PRPF31: variants seen among roughly 807,000 people sequenced by gnomAD.
PRPF31 encodes pre-mRNA processing factor 31, also known as U4/U6 small nuclear ribonucleoprotein Prp31.
In PRPF31, 12 loss-of-function variants were observed where a neutral mutation model predicts 60.4. That is an observed-to-expected ratio of 0.20 (90% CI 0.13 to 0.32). PRPF31 has a LOEUF of 0.32. Among genes scored for constraint, PRPF31 ranks in the 10% least tolerant of loss-of-function variants. The pLI, the probability that PRPF31 is intolerant of heterozygous loss-of-function variation, is 1.00. For missense variants in PRPF31, 431 were observed against 687.1 expected, an observed-to-expected ratio of 0.63 and a Z score of 4.17; for synonymous variants, 287 against 287.9, an observed-to-expected ratio of 1.00 and a Z score of 0.03.
chr19:54,126,622 G>A lies in PRPF31; in HGVS notation c.945+5G>A, dbSNP rs777127121. ...CACGAGAGCACAGAAGGGAAGGTGA[G>A]GAGGGAAAGGTGAGGGGCGGCCGGG... On this transcript the variant is annotated splice_donor_5th_base_variant and intron_variant, in intron 9 of 13. Transcript: ENST00000321030. The A allele has an allele frequency of 2.5e-6, 4 of 1,613,152 alleles. No individual in the cohort carries two copies. Among genetic ancestry groups the A allele is most frequent in the Non-Finnish European group, 1.7e-6 (2 of 1,179,604 alleles).
chr19:54,128,920 G>T, intron 11 of PRPF31, 137 bp from the exon 12 acceptor site: 1 of 903,488 alleles, frequency 1.1e-6, no homozygotes, highest in Non-Finnish European at 1.7e-6. Context: ...CAGCCGGGCC[G>T]AGTGGGTACC....
At chr19:54,120,734 G>C (rs2073765071) in intron 3 of PRPF31, among the ~76,000 whole-genome samples, 1 of 151,854 alleles carries the variant, frequency 6.6e-6, no homozygotes, top group Non-Finnish European at 1.5e-5. Context: ...CAGCCTCCCA[G>C]GCAGCTGGGA....
At chr19:54,123,378 G>A in intron 5 of PRPF31, 76 bp from the exon 6 acceptor site, 1 of 1,084,874 alleles carries the variant, frequency 9.2e-7, no homozygotes, top group Non-Finnish European at 1.4e-6. Flanking sequence ...AGAGACCTGA[G>A]GAGGTGCTGA....
intron 11 of PRPF31, 93 bp from the exon 12 acceptor site, chr19:54,128,964 A>G: frequency 7.4e-7 from 1 of 1,347,690 alleles, no homozygotes; most frequent in Non-Finnish European, 1.0e-6. Flanking sequence ...CCGGCTGGTG[A>G]CCGCTGGGCT....
intron 4 of PRPF31, chr19:54,122,151 G>C: frequency 1.5e-6 from 1 of 667,578 alleles, no homozygotes; most frequent in South Asian, 1.7e-5. Flanking sequence ...TGGCCGCTTG[G>C]CTGCCTGTAG....
chr19:54,118,500 T>C, intron 2 of PRPF31, 45 bp downstream of exon 2: 2 of 1,613,792 alleles, frequency 1.2e-6, no homozygotes, highest in Non-Finnish European at 1.7e-6. Flanking sequence ...CTAGACAGAA[T>C]CTCCCAGAAG....
intron 11 of PRPF31, 42 bp from the exon 12 acceptor site, chr19:54,129,015 G>T (rs1461894244): frequency 6.5e-7 from 1 of 1,550,146 alleles, no homozygotes; most frequent in East Asian, 2.4e-5. Flanking sequence ...TGGAGGGCAG[G>T]GCCTGGTCGC....
chr19:54,116,093 G>C (rs2073626356), intron 1 of PRPF31, among the ~76,000 whole-genome samples: 1 of 151,594 alleles, frequency 6.6e-6, no homozygotes, highest in Non-Finnish European at 1.5e-5. Context: ...AGTAGAGACG[G>C]GGTTTCCCCA....
In PRPF31 at chr19:54,126,390, C is replaced by T. The variant is rs2073921289; in HGVS notation, c.856-138C>T. ...CTGTGAAGTAGGAGCTGAGAGCACA[C>T]ACCTCTAGAGCCCAAGGGTGGAAAG... On this transcript the variant is annotated intron_variant, in intron 8 of 13. Coordinates refer to ENST00000321030, the MANE Select transcript of PRPF31 (RefSeq NM_015629.4). The T allele has an allele frequency of 2.2e-5, 17 of 765,978 alleles. No individual in the cohort carries two copies. The South Asian group carries it at 2.5e-4, about 11-fold the overall frequency. 47.4% of individuals were successfully genotyped at this position (765,978 alleles called of 1,614,324 possible).
chr19:54,124,685 C>G, intron 8 of PRPF31, 29 bp downstream of exon 8: 6 of 1,607,688 alleles, frequency 3.7e-6, no homozygotes, highest in Non-Finnish European at 5.1e-6. Context: ...GGCCCCTCCC[C>G]CGGCCCCCCT....
chr19:54,118,691 G>A, intron 3 of PRPF31, 58 bp downstream of exon 3: 1 of 1,569,750 alleles, frequency 6.4e-7, no homozygotes, highest in Non-Finnish European at 8.8e-7. Context: ...CAGGCCCCCT[G>A]GCTCCCTGGC....
At chr19:54,119,560 G>T (rs2073738110) in intron 3 of PRPF31, 1 of 150,526 alleles carries the variant, frequency 6.6e-6, no homozygotes, top group African/African-American at 2.4e-5. Flanking sequence ...GCAGTGATGT[G>T]TTCTTGGCTC....
In PRPF31 at chr19:54,129,089, A is replaced by C; in HGVS notation, c.1179A>C (p.Gly393=). The change falls in exon 12 of 14, where the codon GGA becomes GGC. Residue 393 remains glycine, a synonymous_variant. Coordinates refer to ENST00000321030, the MANE Select transcript of PRPF31 (RefSeq NM_015629.4). ...AGGACGCCTACCAGGAGGACCTGGG[A>C]TTCAGCCTGGGCCACCTGGGCAAGT... ...IEEDAYQEDL[G]FSLGHLGKSG... 1.3e-6 allele frequency: 2 copies of C among 1,579,522 alleles called. No individual in the cohort carries two copies. The highest frequency in any genetic ancestry group is 1.7e-6 in the Non-Finnish European group (2 of 1,163,726).
At chr19:54,124,404 G>T in intron 7 of PRPF31, 95 bp from the exon 8 acceptor site, 1 of 1,139,054 alleles carries the variant, frequency 8.8e-7, no homozygotes, top group Non-Finnish European at 1.3e-6. Context: ...ATGTAAAGGT[G>T]CCCAGCACAC....
At chr19:54,125,495 CA>C (rs144173467) in intron 8 of PRPF31, among the ~76,000 whole-genome samples, 12,168 of 129,456 alleles carry the variant, frequency 0.094, 523 homozygotes, top group South Asian at 0.12. Flanking sequence ...GACTCTGTCT[CA>C]AAAAAAAAAA....
chr19:54,122,015 C>T, intron 4 of PRPF31, 72 bp downstream of exon 4: 6 of 1,466,838 alleles, frequency 4.1e-6, no homozygotes, highest in Non-Finnish European at 5.6e-6. Context: ...TCCCCACTGG[C>T]CTTTCCCAGG....
At chr19:54,124,421 C>A in intron 7 of PRPF31, 78 bp from the exon 8 acceptor site, 1 of 1,271,870 alleles carries the variant, frequency 7.9e-7, no homozygotes, top group Non-Finnish European at 1.1e-6. Context: ...ACACGTCGAG[C>A]CCCCAGGCAG....
At chr19:54,124,071 C>G (rs947016427) in intron 7 of PRPF31, 153 bp downstream of exon 7, 129 of 1,448,462 alleles carry the variant, frequency 8.9e-5, no homozygotes, top group Non-Finnish European at 1.1e-4. Context: ...GCCTGGCACA[C>G]AGCAAAGCCT....
chr19:54,122,138 G>A, intron 4 of PRPF31, 195 bp downstream of exon 4: 1 of 693,714 alleles, frequency 1.4e-6, no homozygotes, highest in Non-Finnish European at 2.5e-6. Flanking sequence ...CTCGGGGATG[G>A]TGTGGCCGCT....
Sources: gnomAD v4.1 joint callset for allele counts (sites outside exome capture counted in the v4.1 genomes callset) on GRCh38, gnomAD v4.1.1 for gene constraint, MANE v1.5 for transcripts, NCBI Gene and HGNC (gene_info 2026-07-23, HGNC 2026-07-21) for gene names.